The following NME9 variants were observed in gnomAD, a reference collection of about 807,000 sequenced individuals.
NME9 encodes thioredoxin domain-containing protein 6.
In NME9, 48 loss-of-function variants were observed where a neutral mutation model predicts 44.4. The observed-to-expected ratio is 1.08, with a 90% confidence interval of 0.86 to 1.37. NME9 has a LOEUF of 1.37. Among genes scored for constraint, NME9 ranks in the 40% most tolerant of loss-of-function variants. The pLI is 0.00. For synonymous variants in NME9, 139 were observed against 147.1 expected (o/e 0.94, Z 0.40); for missense variants, 325 against 405.2 (o/e 0.80, Z 1.70).
intron 8 of NME9, among the ~76,000 whole-genome samples, chr3:138,274,070 G>A (rs2049034765): frequency 6.6e-6 from 1 of 151,950 alleles, no homozygotes; most frequent in African/African-American, 2.4e-5. Context: ...GGCCCACCTC[G>A]GCCCCCCAAA....
Position 138,294,971 on chromosome 3 carries a change from T to C in NME9, c.745+8536A>G, listed in dbSNP as rs999293596. On this transcript the variant is annotated intron_variant, in intron 8 of 8. Coordinates refer to the NME9 transcript ENST00000317876. ...TGGAGTGCAATGGCACCATCTCAGC[T>C]CACTGCAACCTCCACCCACCAGGTT... 7.9e-5 allele frequency among the ~76,000 whole-genome samples: 12 copies of C among 151,780 alleles called. No individual in the cohort carries two copies. In the East Asian group the frequency reaches 2.3e-3, roughly 30 times the overall value.
chr3:138,316,129 G>T (rs2053064420), intron 4 of NME9, among the ~76,000 whole-genome samples: 1 of 152,062 alleles, frequency 6.6e-6, no homozygotes, highest in Admixed American at 6.6e-5. Context: ...ACCGCACCTG[G>T]CCAGTCTGCT....
At chr3:138,273,779 C>G (rs767776798) in intron 8 of NME9, among the ~76,000 whole-genome samples, 11 of 151,582 alleles carry the variant, frequency 7.3e-5, no homozygotes, top group Admixed American at 1.3e-4. Context: ...TTCCATGTCT[C>G]TGGCTTCCCC....
chr3:138,304,941 C>T lies in NME9; in HGVS notation c.723G>A (p.Val241=), dbSNP rs140790851. ...ILTRTEGFED[V]VTTWRTVMGP... is the part of the protein sequence containing the mutation. The stretch of plus-strand genomic sequence containing the variant: ...CCATGACGGTTCGCCAGGTAGTGAC[C>T]ACGTCCTCGAAGCCCTCAGTCCTGG... The change falls in exon 9 of 11, where the codon GTG becomes GTA. Residue 241 remains valine (V), a synonymous_variant. Coordinates refer to ENST00000333911, the MANE Select transcript of NME9 (RefSeq NM_001349018.2). 1 of 1,614,122 alleles carries T rather than the reference C, an allele frequency of 6.2e-7. No homozygotes were observed. The highest frequency in any genetic ancestry group is 1.3e-5 in the African/African-American group (1 of 75,012).
At chr3:138,317,147 A>C (rs1282749380) in intron 4 of NME9, among the ~76,000 whole-genome samples, 1 of 152,200 alleles carries the variant, frequency 6.6e-6, no homozygotes, top group Non-Finnish European at 1.5e-5. Flanking sequence ...TCTGATGTCA[A>C]GTGTGTCTGG....
intron 8 of NME9, among the ~76,000 whole-genome samples, chr3:138,295,208 T>G (rs923772154): frequency 5.9e-5 from 9 of 152,186 alleles, no homozygotes; most frequent in Non-Finnish European, 1.0e-4. Flanking sequence ...CTACATTCTA[T>G]CTTTTCCTTT....
At chr3:138,298,969 G>A (rs1286095667), downstream of NME9, among the ~76,000 whole-genome samples, 1 of 152,188 alleles carries the variant, frequency 6.6e-6, no homozygotes, top group Non-Finnish European at 1.5e-5. Context: ...AAGAGAGTAG[G>A]AGCAGGGCCA....
chr3:138,329,226 C>A, intron 1 of NME9, 77 bp downstream of exon 1: 2 of 1,298,088 alleles, frequency 1.5e-6, no homozygotes, highest in Admixed American at 2.0e-5. Context: ...CACTTTTATA[C>A]TGCAACCCCG....
At chr3:138,323,840 A>C (rs531712221) in intron 2 of NME9, among the ~76,000 whole-genome samples, 11 of 152,270 alleles carry the variant, frequency 7.2e-5, no homozygotes, top group Admixed American at 4.6e-4. Flanking sequence ...TGAGAAAGAG[A>C]AGTAAAGAGT....
chr3:138,276,676 C>T (rs1576951775), intron 8 of NME9, among the ~76,000 whole-genome samples: 2 of 152,148 alleles, frequency 1.3e-5, no homozygotes, highest in East Asian at 3.9e-4. Flanking sequence ...TTTGCAGTAA[C>T]TTAGAAAAAA....
intron 8 of NME9, among the ~76,000 whole-genome samples, chr3:138,295,022 C>T (rs568313552): frequency 6.6e-6 from 1 of 151,994 alleles, no homozygotes. Flanking sequence ...GCTCAGCCTC[C>T]GAAGTGGTTG....
At chr3:138,290,990 C>G (rs2050886417) in intron 8 of NME9, among the ~76,000 whole-genome samples, 1 of 152,172 alleles carries the variant, frequency 6.6e-6, no homozygotes, top group African/African-American at 2.4e-5. Flanking sequence ...AGCTCAAAAC[C>G]TCACTGAACA....
At chr3:138,305,509 G>A (rs1053833011) in intron 8 of NME9, among the ~76,000 whole-genome samples, 20 of 152,018 alleles carry the variant, frequency 1.3e-4, no homozygotes, top group African/African-American at 4.8e-4. Flanking sequence ...AAGTTTGACT[G>A]ACAACCATGG....
At chr3:138,306,239 T>C in intron 7 of NME9, 143 bp from the exon 8 acceptor site, 1 of 835,252 alleles carries the variant, frequency 1.2e-6, no homozygotes, top group Non-Finnish European at 2.0e-6. Flanking sequence ...TCTGTCCCAA[T>C]CAGATTTAAC....
At chr3:138,273,542 T>C (rs529457255) in intron 8 of NME9, among the ~76,000 whole-genome samples, 5 of 152,314 alleles carry the variant, frequency 3.3e-5, no homozygotes, top group Admixed American at 2.6e-4. Context: ...ATTTACGGGA[T>C]TGACCTCTGA....
chr3:138,263,850 A>G, intron 8 of NME9: 4 of 1,591,822 alleles, frequency 2.5e-6, no homozygotes, highest in Non-Finnish European at 3.4e-6. Context: ...CTGAATAAAA[A>G]CCTTTTGCCA....
rs1311469664 is a variant in NME9, at chr3:138,318,290, C to T, written c.196-71G>A. The T allele has an allele frequency of 1.2e-5, 12 of 1,002,142 alleles. No homozygotes were observed. In the East Asian group the frequency reaches 1.9e-4, roughly 16 times the overall value. The allele number at this position is 1,002,142 out of a possible 1,614,324, so 62.1% of individuals were successfully genotyped here. ...AGGGCCCAATTGATTGGTGGGAAAC[C>T]ACACAGGGAACTGAACACCCCCAGG... is the stretch of plus-strand genomic sequence containing the variant. On this transcript the variant is annotated intron_variant, in intron 3 of 10. Coordinates refer to ENST00000333911, the MANE Select transcript of NME9 (RefSeq NM_001349018.2).
At position 138,276,747 on chromosome 3, in the gene NME9, TAATG is replaced by T. The variant is rs200704694; in HGVS notation, c.746-14165_746-14162del. On this transcript the variant is annotated intron_variant, in intron 8 of 8. Transcript: ENST00000317876. ...ATACTGAAAACTATAAAAACACTGATAATGAAAGAAATCCAGGACCCAAATAAAT... is the reference window on the plus strand; with the variant it reads ...ATACTGAAAACTATAAAAACACTGATAAAGAAATCCAGGACCCAAATAAAT... Among the ~76,000 whole-genome samples the T allele has an allele frequency of 4.4e-4, 67 of 152,260 alleles. No individual in the cohort carries two copies. In the East Asian group the frequency reaches 0.013, roughly 29 times the overall value.
At chr3:138,289,407 T>G (rs1341046485) in intron 8 of NME9, among the ~76,000 whole-genome samples, 2 of 152,064 alleles carry the variant, frequency 1.3e-5, no homozygotes, top group East Asian at 3.9e-4. Flanking sequence ...AGGAGGATGG[T>G]GAGATGCACT....
Sources: allele counts gnomAD v4.1 joint callset (sites outside exome capture counted in the v4.1 genomes callset), GRCh38; gene constraint gnomAD v4.1.1; transcripts MANE v1.5; gene names NCBI Gene and HGNC (gene_info 2026-07-23, HGNC 2026-07-21).